The following SMAD1 variants were observed in gnomAD, a reference collection of about 807,000 sequenced individuals.
SMAD1 encodes MAD, mothers against decapentaplegic homolog 1.
A neutral mutation model predicts 41.6 loss-of-function variants in SMAD1; 6 were observed. The observed-to-expected ratio is 0.14, with a 90% confidence interval of 0.08 to 0.28. The LOEUF is 0.28. Ranked by LOEUF, SMAD1 falls within the 10% of genes least tolerant of loss-of-function variation. SMAD1 has a pLI of 1.00. For missense variants in SMAD1, 379 were observed against 582.6 expected (o/e 0.65, Z 3.60); for synonymous variants, 206 against 203.2 (o/e 1.01, Z -0.12).
chr4:145,488,102 T>C (rs1728574602), intron 1 of SMAD1, among the ~76,000 whole-genome samples: 1 of 151,998 alleles, frequency 6.6e-6, no homozygotes, highest in Non-Finnish European at 1.5e-5. Flanking sequence ...TTTATGTTCT[T>C]AGTGTTTGAA....
intron 1 of SMAD1, among the ~76,000 whole-genome samples, chr4:145,504,419 GCCTTAA>G (rs1307692775): frequency 6.6e-6 from 1 of 152,150 alleles, no homozygotes; most frequent in Non-Finnish European, 1.5e-5. Flanking sequence ...TTGCCTGTCT[GCCTTAA>G]CCTTAAGGGT....
intron 1 of SMAD1, among the ~76,000 whole-genome samples, chr4:145,492,488 G>A (rs1728821991): frequency 6.6e-6 from 1 of 152,246 alleles, no homozygotes; most frequent in South Asian, 2.1e-4. Context: ...GGAGGAAGGG[G>A]CATGGAGCTT....
At chr4:145,507,240 C>G (rs1369233033) in intron 1 of SMAD1, among the ~76,000 whole-genome samples, 1 of 151,016 alleles carries the variant, frequency 6.6e-6, no homozygotes, top group African/African-American at 2.4e-5. Context: ...TCAGAAGTTA[C>G]ATTTTTTCAT....
intron 1 of SMAD1, among the ~76,000 whole-genome samples, chr4:145,484,918 C>G (rs1273534568): frequency 1.3e-5 from 2 of 152,080 alleles, no homozygotes; most frequent in East Asian, 1.9e-4. Flanking sequence ...AGGCCTATAC[C>G]AGAAACAAAG....
intron 5 of SMAD1, 134 bp downstream of exon 5, chr4:145,547,058 A>G: frequency 1.4e-6 from 1 of 725,042 alleles, no homozygotes; most frequent in Non-Finnish European, 2.3e-6. Flanking sequence ...CAGTTTGTAA[A>G]TATTTTTCCA....
intron 2 of SMAD1, among the ~76,000 whole-genome samples, chr4:145,528,364 A>G (rs1731147660): frequency 6.6e-6 from 1 of 151,882 alleles, no homozygotes; most frequent in South Asian, 2.1e-4. Context: ...CAGCCTCCCA[A>G]AGTGCTGGGA....
intron 1 of SMAD1, among the ~76,000 whole-genome samples, chr4:145,504,681 C>T (rs1729666121): frequency 6.6e-6 from 1 of 152,194 alleles, no homozygotes; most frequent in Non-Finnish European, 1.5e-5. Context: ...TGTGGGTTGT[C>T]TGCTGTTCCA....
chr4:145,492,581 G>A (rs994064405), intron 1 of SMAD1, among the ~76,000 whole-genome samples: 2 of 152,146 alleles, frequency 1.3e-5, no homozygotes, highest in African/African-American at 4.8e-5. Context: ...TGTCCTCTTG[G>A]TTTTTTATAG....
intron 1 of SMAD1, chr4:145,502,726 C>G (rs953439759): frequency 6.6e-6 from 1 of 152,314 alleles, no homozygotes; most frequent in Admixed American, 6.5e-5. Context: ...CCATAAGTTC[C>G]TTGCTTCCTT....
intron 5 of SMAD1, among the ~76,000 whole-genome samples, chr4:145,552,815 A>G (rs781496005): frequency 1.7e-4 from 26 of 152,160 alleles, no homozygotes; most frequent in Admixed American, 5.2e-4. Flanking sequence ...TTATTATGCT[A>G]TCTTTTTAGA....
At chr4:145,547,878 C>A (rs1405862539) in intron 5 of SMAD1, among the ~76,000 whole-genome samples, 1 of 146,820 alleles carries the variant, frequency 6.8e-6, no homozygotes, top group Non-Finnish European at 1.5e-5. Context: ...TGCGTTTTTA[C>A]TTGCGTATAG....
chr4:145,542,444 C>CTGTA (rs1276621093), intron 3 of SMAD1, 138 bp from the exon 4 acceptor site: 1 of 553,302 alleles, frequency 1.8e-6, no homozygotes, highest in Admixed American at 3.3e-5. Context: ...AAGGCAGTGC[C>CTGTA]TGTAGCCTTT....
chr4:145,538,314 A>G (rs1731727884), intron 2 of SMAD1, among the ~76,000 whole-genome samples: 3 of 152,206 alleles, frequency 2.0e-5, no homozygotes, highest in Admixed American at 2.0e-4. Context: ...GTAGAAGAAG[A>G]ATTTATGCTT....
At chr4:145,511,960 T>C (rs1730103786) in intron 1 of SMAD1, among the ~76,000 whole-genome samples, 1 of 152,234 alleles carries the variant, frequency 6.6e-6, no homozygotes, top group Admixed American at 6.5e-5. Context: ...GTAAACCAGT[T>C]CTCTCAGATT....
At chr4:145,504,841 C>T (rs7685387) in intron 1 of SMAD1, among the ~76,000 whole-genome samples, 1,789 of 152,288 alleles carry the variant, frequency 0.012, 32 homozygotes, top group African/African-American at 0.04. Context: ...ACCAATAAAT[C>T]TCATTGCAAT....
At chr4:145,492,701 A>T (rs1286355770) in intron 1 of SMAD1, among the ~76,000 whole-genome samples, 1 of 152,162 alleles carries the variant, frequency 6.6e-6, no homozygotes. Context: ...TGAAAGTCTC[A>T]ATCCTCTAAT....
chr4:145,488,476 T>TTGTG (rs60369536), intron 1 of SMAD1, among the ~76,000 whole-genome samples: 14,146 of 148,648 alleles, frequency 0.095, 670 homozygotes, highest in South Asian at 0.15. Context: ...CCCTGTCTTT[T>TTGTG]TGTGTGTGTG....
rs115303099 is a variant in SMAD1 at position 145,551,684 on chromosome 4, A to G, written c.998-2100A>G. ...ACTACGAGAGCATATCCAGCCTCAC[A>G]GGCAAATTAAACAATTATTTGTCAA... On this transcript the variant is annotated intron_variant, in intron 5 of 6. Coordinates refer to ENST00000302085, the MANE Select transcript of SMAD1 (RefSeq NM_005900.3). Among the ~76,000 whole-genome samples the G allele has an allele frequency of 8.3e-3, 1,263 of 152,366 alleles. 25 individuals carry two copies. Among genetic ancestry groups the G allele is most frequent in the African/African-American group, 0.028 (1,172 of 41,584 alleles).
At chr4:145,504,955 C>G (rs7685592) in intron 1 of SMAD1, among the ~76,000 whole-genome samples, 24,148 of 152,070 alleles carry the variant, frequency 0.16, 4,118 homozygotes, top group African/African-American at 0.42. Context: ...TATGGTTTTT[C>G]CAACCTTTGT....
Sources: gnomAD v4.1 joint callset for allele counts (sites outside exome capture counted in the v4.1 genomes callset) on GRCh38, gnomAD v4.1.1 for gene constraint, MANE v1.5 for transcripts, NCBI Gene and HGNC (gene_info 2026-07-23, HGNC 2026-07-21) for gene names.